The following IL3RA variants were observed in gnomAD, a reference collection of about 807,000 sequenced individuals.
IL3RA encodes interleukin 3 receptor subunit alpha, also known as interleukin-3 receptor subunit alpha.
IL3RA carries 73 observed loss-of-function variants against 52.3 expected under a neutral mutation model. The observed-to-expected ratio is 1.40, with a 90% CI of 1.16 to 1.70. IL3RA has a LOEUF of 1.70. Among genes scored for constraint, IL3RA ranks in the 40% most tolerant of loss-of-function variants. IL3RA has a pLI of 0.00. For missense variants in IL3RA, 664 were observed against 504.4 expected (o/e 1.32, Z -3.03); for synonymous variants, 260 against 194.0 (o/e 1.34, Z -2.83).
chrX:1,341,518 G>A lies in IL3RA; in HGVS notation c.-38-210G>A, dbSNP rs779289367. Among the ~76,000 whole-genome samples, 19 of 141,890 alleles carry A rather than the reference G, an allele frequency of 1.3e-4. No individual in the cohort carries two copies. The East Asian group carries it at 2.7e-3, about 20-fold the overall frequency. The allele number at this position is 141,890 out of a possible 152,430, so 93.1% of individuals were successfully genotyped here. A position where few individuals can be genotyped will look rare whatever the true frequency, so the allele number is the denominator to read the frequency against. On this transcript the variant is annotated intron_variant, in intron 1 of 11. Coordinates refer to ENST00000331035, the MANE Select transcript of IL3RA (RefSeq NM_002183.4). The stretch of plus-strand genomic sequence containing the variant: ...CCCATGTACACACACACGAATATTC[G>A]TGCACACATGTAGAAGCACACTCTG...
At chrX:1,367,785 C>G (rs6645268) in intron 9 of IL3RA, among the ~76,000 whole-genome samples, 540 of 35,336 alleles carry the variant, frequency 0.015, 2 homozygotes, top group Middle Eastern at 0.056. Context: ...GGTGCGCGGG[C>G]TGAGCGGGGT....
chrX:1,361,740 G>A (rs765764684), intron 8 of IL3RA, among the ~76,000 whole-genome samples: 3 of 135,510 alleles, frequency 2.2e-5, no homozygotes, highest in South Asian at 2.6e-4. Context: ...GTGACAGAGT[G>A]AGACTCCGTC....
chrX:1,349,779 C>T (rs2085999207), intron 4 of IL3RA, among the ~76,000 whole-genome samples: 1 of 152,064 alleles, frequency 6.6e-6, no homozygotes, highest in Non-Finnish European at 1.5e-5. Context: ...TCTCCTGCCT[C>T]AGCCTCACAA....
intron 2 of IL3RA, among the ~76,000 whole-genome samples, chrX:1,343,373 G>A (rs1351425487): frequency 6.6e-6 from 1 of 151,868 alleles, no homozygotes; most frequent in African/African-American, 2.4e-5. Context: ...ATAGAATATT[G>A]CCTTTTACTG....
chrX:1,352,222 A>G lies in IL3RA; in HGVS notation c.421A>G (p.Asn141Asp), dbSNP rs781454109. The change falls in exon 5 of 12, where the codon AAC (asparagine) becomes GAC (aspartate). Residue 141 changes from asparagine to aspartate, a missense_variant. By Grantham distance (23) the Asn-to-Asp change is conservative (BLOSUM62 1). Transcript: ENST00000331035. Reference protein sequence around the residue: ...PADVQYDLYLNVANRRQQYEC... With the variant: ...PADVQYDLYLDVANRRQQYEC... ...GGACGTCCAGTACGACCTGTACTTG[A>G]ACGTTGCCAAGTAGGTGTGCCCGTG... 1.2e-5 allele frequency: 20 copies of G among 1,613,496 alleles called. No individual in the cohort carries two copies. In the Admixed American group the frequency reaches 3.2e-4, roughly 26 times the overall value.
intron 2 of IL3RA, among the ~76,000 whole-genome samples, chrX:1,342,192 G>A (rs1305331362): frequency 6.6e-6 from 1 of 151,952 alleles, no homozygotes; most frequent in South Asian, 2.1e-4. Flanking sequence ...TGGAGACAGG[G>A]TCTTACTGTC....
chrX:1,382,438 T>C lies in IL3RA; in HGVS notation c.1110T>C (p.Thr370=), dbSNP rs1394141143. The C allele has an allele frequency of 1.2e-6, 2 of 1,613,886 alleles. No individual in the cohort carries two copies. The highest frequency in any genetic ancestry group is 1.1e-5 in the South Asian group (1 of 91,078). Residue 370 remains threonine, a synonymous_variant, in exon 12 of 12, where the codon ACT becomes ACC. Transcript: ENST00000331035. ...CCGGCCTGGAGGAGTGTCTGGTGACTGAAGTACAGGTCGTGCAGAAAACTT... is the reference window on the plus strand; with the variant it reads ...CCGGCCTGGAGGAGTGTCTGGTGACCGAAGTACAGGTCGTGCAGAAAACTT... ...GKAGLEECLV[T]EVQVVQKT is the part of the protein sequence containing the mutation.
chrX:1,361,942 G>T (rs2087430583), intron 8 of IL3RA, among the ~76,000 whole-genome samples: 1 of 151,856 alleles, frequency 6.6e-6, no homozygotes, highest in Non-Finnish European at 1.5e-5. Flanking sequence ...TTCAAGATGA[G>T]ATTTGGGTGG....
intron 1 of IL3RA, among the ~76,000 whole-genome samples, chrX:1,337,359 G>A (rs1459508439): frequency 3.3e-5 from 5 of 152,102 alleles, no homozygotes; most frequent in Non-Finnish European, 7.4e-5. Context: ...CCGGGGAGCC[G>A]CTTTTGGGGC....
chrX:1,339,809 A>AACAAG lies in IL3RA; in HGVS notation c.-38-1915_-38-1914insGACAA, dbSNP rs1293848827. On this transcript the variant is annotated intron_variant, in intron 1 of 11. Transcript: ENST00000331035. Reference sequence around the variant, plus strand: ...CTCCATCTCAGAAAAAACAAAACAAAACAAAACAAAAAACCAGAAAAGACA... The same window carrying AACAAG: ...CTCCATCTCAGAAAAAACAAAACAAAACAAGACAAAACAAAAAACCAGAAAAGACA... Among the ~76,000 whole-genome samples, 5 of 151,842 alleles carry AACAAG rather than the reference A, an allele frequency of 3.3e-5. No homozygotes were observed. In the South Asian group the frequency reaches 1.0e-3, roughly 32 times the overall value.
chrX:1,368,707 GAC>G (rs1301656268), intron 9 of IL3RA, among the ~76,000 whole-genome samples: 1 of 151,734 alleles, frequency 6.6e-6, no homozygotes, highest in African/African-American at 2.4e-5. Context: ...GACCCTGTGG[GAC>G]ACAGGGAGAA....
intron 2 of IL3RA, among the ~76,000 whole-genome samples, chrX:1,342,750 G>A (rs188660795): frequency 3.4e-4 from 52 of 150,938 alleles, no homozygotes; most frequent in African/African-American, 5.8e-4. Context: ...TACTAGAGAC[G>A]GGGTTTCACC....
At chrX:1,356,755 G>C (rs1449873013) in intron 7 of IL3RA, among the ~76,000 whole-genome samples, 2 of 150,844 alleles carry the variant, frequency 1.3e-5, no homozygotes, top group Non-Finnish European at 3.0e-5. Context: ...CTGGGCGACA[G>C]AGCGAGACTC....
chrX:1,345,137 C>T (rs1484553305), intron 2 of IL3RA, among the ~76,000 whole-genome samples, 179 bp from the exon 3 acceptor site: 2 of 150,616 alleles, frequency 1.3e-5, no homozygotes, highest in Non-Finnish European at 2.9e-5. Flanking sequence ...CACTGTAGTC[C>T]AGCCAGGGCG....
chrX:1,339,706 C>G (rs1226130737), intron 1 of IL3RA, among the ~76,000 whole-genome samples: 2 of 152,050 alleles, frequency 1.3e-5, no homozygotes, highest in African/African-American at 4.8e-5. Context: ...GCAGGAGAAT[C>G]GCTTGAACGT....
chrX:1,362,839 G>A (rs7060203), intron 8 of IL3RA, among the ~76,000 whole-genome samples: 1,948 of 151,412 alleles, frequency 0.013, 41 homozygotes, highest in African/African-American at 0.045. Context: ...GCAGTGGTGC[G>A]ATCTCAGCTC....
intron 8 of IL3RA, among the ~76,000 whole-genome samples, chrX:1,362,246 CTA>C (rs1454197413): frequency 4.0e-5 from 6 of 150,060 alleles, no homozygotes; most frequent in Admixed American, 1.3e-4. Context: ...CTGTCTTTGT[CTA>C]TGTCTCTCTG....
chrX:1,348,662 C>CTT lies in IL3RA; in HGVS notation c.298+119_298+120dup, dbSNP rs1259073940. 5.9e-4 allele frequency: 261 copies of CTT among 444,488 alleles called. 2 individuals are homozygous for CTT. The African/African-American group carries it at 9.6e-3, about 16-fold the overall frequency. 27.5% of individuals were successfully genotyped at this position (444,488 alleles called of 1,614,324 possible). A position where few individuals can be genotyped will look rare whatever the true frequency, so the allele number is the denominator to read the frequency against. On this transcript the variant is annotated intron_variant, in intron 4 of 11. Transcript: ENST00000331035. ...TCTTTTTCTCTTTCTTTCTTTCTTT[C>CTT]TTTCTTTCTTTCTTTCTTTCTTTCT...
At chrX:1,380,950 G>T (rs1223630338) in intron 10 of IL3RA, 73 bp from the exon 11 acceptor site, 78 of 1,284,734 alleles carry the variant, frequency 6.1e-5, no homozygotes, top group Non-Finnish European at 8.6e-5. Context: ...TGTCTGTCCT[G>T]GACACGCTGT....
Sources: gnomAD v4.1 joint callset for allele counts (sites outside exome capture counted in the v4.1 genomes callset) on GRCh38, gnomAD v4.1.1 for gene constraint, MANE v1.5 for transcripts, NCBI Gene and HGNC (gene_info 2026-07-23, HGNC 2026-07-21) for gene names.